Variants in NFIA observed in about 807,000 individuals in gnomAD.
NFIA encodes nuclear factor 1 A-type.
In NFIA, 8 loss-of-function variants were observed where a neutral mutation model predicts 62.8. The observed-to-expected ratio is 0.13, with a 90% CI of 0.07 to 0.23. The LOEUF (loss-of-function observed/expected upper bound fraction) is 0.23, where lower values mean the gene tolerates loss of function less well. NFIA is among the 10% of genes least tolerant of loss of function. The pLI is 1.00. For synonymous variants in NFIA, 235 were observed against 238.1 expected (o/e 0.99, Z 0.12); for missense variants, 410 against 642.1 (o/e 0.64, Z 3.91).
chr1:61,229,778 G>A (rs903143201), intron 2 of NFIA, among the ~76,000 whole-genome samples: 2 of 152,020 alleles, frequency 1.3e-5, no homozygotes, highest in Non-Finnish European at 2.9e-5. Context: ...AAATCATGTG[G>A]AACAAAAAGA....
Position 61,462,695 on chromosome 1 carries a change from G to T in NFIA, c.*7375G>T, listed in dbSNP as rs553241831. 1 of 152,182 alleles carries T rather than the reference G, an allele frequency of 6.6e-6. No homozygotes were observed. The highest frequency in any genetic ancestry group is 2.4e-5 in the African/African-American group (1 of 41,430). 9.4% of individuals were successfully genotyped at this position (152,182 alleles called of 1,614,324 possible). ...TTAACTCTTGTATTCAACCATTAGT[G>T]CTACCACCTTCTCACATTACAATAC... On this transcript the variant is annotated 3_prime_UTR_variant, in exon 11 of 11. Transcript: ENST00000403491.
intron 2 of NFIA, among the ~76,000 whole-genome samples, chr1:61,168,583 A>G (rs992822998): frequency 6.6e-6 from 1 of 152,252 alleles, no homozygotes; most frequent in African/African-American, 2.4e-5. Flanking sequence ...TGTGAAGATT[A>G]TGAACACCAA....
chr1:61,267,804 G>A (rs946914779), intron 2 of NFIA, among the ~76,000 whole-genome samples: 1 of 152,132 alleles, frequency 6.6e-6, no homozygotes, highest in Non-Finnish European at 1.5e-5. Flanking sequence ...TAGTCAAGAG[G>A]GGATGTCACA....
intron 3 of NFIA, among the ~76,000 whole-genome samples, chr1:61,285,836 A>T (rs928673235): frequency 6.6e-6 from 1 of 152,202 alleles, no homozygotes; most frequent in Non-Finnish European, 1.5e-5. Context: ...ATATTGTGGC[A>T]AGGCTCGGCA....
In NFIA at chr1:61,411,688, G is replaced by A. The variant is rs145091632; in HGVS notation, c.1420+4961G>A. 9.2e-5 allele frequency among the ~76,000 whole-genome samples: 14 copies of A among 152,032 alleles called. No individual in the cohort carries two copies. The East Asian group carries it at 2.7e-3, about 30-fold the overall frequency. Reference sequence around the variant, plus strand: ...CGAAAGGTACGTAGGATATAAGATGGTGATATGTAAGTGCTACATAGGGAA... The same window carrying A: ...CGAAAGGTACGTAGGATATAAGATGATGATATGTAAGTGCTACATAGGGAA... On this transcript the variant is annotated intron_variant, in intron 9 of 10. Coordinates refer to ENST00000403491, the MANE Select transcript of NFIA (RefSeq NM_001134673.4).
intron 2 of NFIA, among the ~76,000 whole-genome samples, chr1:61,254,120 C>A (rs1473860532): frequency 6.6e-6 from 1 of 152,256 alleles, no homozygotes; most frequent in African/African-American, 2.4e-5. Flanking sequence ...TTCCATCTTA[C>A]GTCATTTGTG....
In NFIA at chr1:61,406,720, G is replaced by T. The variant is rs146012018; in HGVS notation, c.1413G>T (p.Thr471=). Residue 471 remains threonine (T), a synonymous_variant, in exon 9 of 11, where the codon ACG becomes ACT. Coordinates refer to ENST00000403491, the MANE Select transcript of NFIA (RefSeq NM_001134673.4). ...CAGAAGGAGGTGCAGCCTCCCCCAC[G>T]TCACCAAGTAAGTATGGCTGCGACA... is the stretch of plus-strand genomic sequence containing the variant. ...TSTEGGAASP[T]SPTYSTPSTS... 10 of 1,607,770 alleles carry T rather than the reference G, an allele frequency of 6.2e-6. No individual in the cohort carries two copies. The African/African-American group carries it at 1.1e-4, about 17-fold the overall frequency.
intron 3 of NFIA, among the ~76,000 whole-genome samples, chr1:61,279,594 G>A (rs1658013692): frequency 6.6e-6 from 1 of 152,106 alleles, no homozygotes. Context: ...TCTCCCTAAA[G>A]ATGTCTCCAG....
intron 4 of NFIA, among the ~76,000 whole-genome samples, chr1:61,344,801 C>T (rs543434280): frequency 5.7e-4 from 87 of 152,348 alleles, no homozygotes; most frequent in African/African-American, 2.0e-3. Context: ...GGAAACTTAG[C>T]ACACTGTAAT....
At chr1:61,348,066 C>T (rs1306892974) in intron 4 of NFIA, among the ~76,000 whole-genome samples, 1 of 152,164 alleles carries the variant, frequency 6.6e-6, no homozygotes, top group Non-Finnish European at 1.5e-5. Context: ...CTAAAGCCCA[C>T]CTCTTCAGTT....
chr1:61,179,092 G>C (rs1650582073), intron 2 of NFIA, among the ~76,000 whole-genome samples: 1 of 152,226 alleles, frequency 6.6e-6, no homozygotes, highest in South Asian at 2.1e-4. Flanking sequence ...CCCTGAGGCA[G>C]AGAGACTACG....
chr1:61,145,310 T>C (rs1647844608), intron 2 of NFIA, among the ~76,000 whole-genome samples: 1 of 152,242 alleles, frequency 6.6e-6, no homozygotes, highest in South Asian at 2.1e-4. Flanking sequence ...TTCTATTGCA[T>C]ATTGGACTTC....
intron 6 of NFIA, among the ~76,000 whole-genome samples, chr1:61,365,167 A>G (rs186975299): frequency 6.6e-6 from 1 of 152,362 alleles, no homozygotes; most frequent in Non-Finnish European, 1.5e-5. Flanking sequence ...AGCCTGAGCA[A>G]CAGAGTGAGA....
Position 61,231,798 on chromosome 1 carries a change from C to T in NFIA, c.560-45722C>T, listed in dbSNP as rs532022292. ...GAGCTGTGATTGTAACTGAGAATAG[C>T]CACTGTACTCCAGCCTGGGTAACAC... On this transcript the variant is annotated intron_variant, in intron 2 of 10. Transcript: ENST00000403491. Among the ~76,000 whole-genome samples, 9 of 152,086 alleles carry T rather than the reference C, an allele frequency of 5.9e-5. No individual in the cohort carries two copies. The South Asian group carries it at 1.9e-3, about 32-fold the overall frequency.
intron 2 of NFIA, among the ~76,000 whole-genome samples, chr1:61,185,635 CTT>C (rs755426214): frequency 1.8e-4 from 24 of 130,644 alleles, no homozygotes; most frequent in Middle Eastern, 4.1e-3. Flanking sequence ...TCTAACCCCA[CTT>C]TTTTTTTTTT....
chr1:61,260,839 C>T (rs1282854552), intron 2 of NFIA, among the ~76,000 whole-genome samples: 3 of 152,168 alleles, frequency 2.0e-5, no homozygotes, highest in Non-Finnish European at 2.9e-5. Context: ...CTCGGCCTCC[C>T]GAGGTGCTGG....
chr1:61,168,144 T>G (rs1417636110), intron 2 of NFIA, among the ~76,000 whole-genome samples: 2 of 152,182 alleles, frequency 1.3e-5, no homozygotes, highest in Non-Finnish European at 2.9e-5. Context: ...TTATGTTAAC[T>G]TGGGGCATTA....
intron 2 of NFIA, among the ~76,000 whole-genome samples, chr1:61,240,395 T>C (rs1037331619): frequency 2.6e-5 from 4 of 152,106 alleles, no homozygotes; most frequent in African/African-American, 9.6e-5. Flanking sequence ...TGTAAATTTT[T>C]GTCTTTTAAC....
chr1:61,425,021 G>A (rs1666803409), intron 9 of NFIA, among the ~76,000 whole-genome samples: 1 of 152,160 alleles, frequency 6.6e-6, no homozygotes, highest in South Asian at 2.1e-4. Flanking sequence ...TTTAAATAAA[G>A]TCATTACTGA....
Sources: gnomAD v4.1 joint callset for allele counts (sites outside exome capture counted in the v4.1 genomes callset) on GRCh38, gnomAD v4.1.1 for gene constraint, MANE v1.5 for transcripts, NCBI Gene and HGNC (gene_info 2026-07-23, HGNC 2026-07-21) for gene names.